Variants in LEMD1 observed in about 807,000 individuals in gnomAD.
LEMD1 encodes LEM domain-containing protein 1.
LEMD1 carries 18 observed loss-of-function variants against 17.4 expected under a neutral mutation model. That is an observed-to-expected ratio of 1.04 (90% CI 0.72 to 1.54). LEMD1 has a LOEUF of 1.54. Among genes scored for constraint, LEMD1 ranks in the 40% most tolerant of loss-of-function variants. The pLI is 0.00. For missense variants in LEMD1, 195 were observed against 210.4 expected (o/e 0.93, Z 0.45); for synonymous variants, 88 against 77.8 (o/e 1.13, Z -0.69).
At position 205,415,778 on chromosome 1, in the gene LEMD1, C is replaced by T. The variant is rs115109735; in HGVS notation, c.270+454G>A. Among the ~76,000 whole-genome samples, 671 of 152,322 alleles carry T rather than the reference C, an allele frequency of 4.4e-3. 3 individuals are homozygous for T. The highest frequency in any genetic ancestry group is 0.017 in the Middle Eastern group (5 of 294). ...CAGAAATCCTAAGCCAGTTAGGCCT[C>T]ACCCCAAAACCTGTAACCCTCACAC... On this transcript the variant is annotated intron_variant, in intron 4 of 5. Coordinates refer to ENST00000367153, the MANE Select transcript of LEMD1 (RefSeq NM_001199050.2).
At chr1:205,412,755 C>T (rs975323022) in intron 4 of LEMD1, among the ~76,000 whole-genome samples, 16 of 152,212 alleles carry the variant, frequency 1.1e-4, no homozygotes, top group Admixed American at 1.0e-3. Flanking sequence ...CAAATCAAAA[C>T]ATTTTATGCC....
intron 3 of LEMD1, 108 bp downstream of exon 3, chr1:205,419,122 G>A (rs1665834371): frequency 4.6e-6 from 6 of 1,296,192 alleles, no homozygotes; most frequent in African/African-American, 4.4e-5. Context: ...AGGCCCTATG[G>A]CTATTTCACA....
At chr1:205,387,874 G>C (rs1456102350) in intron 4 of LEMD1, among the ~76,000 whole-genome samples, 5 of 152,216 alleles carry the variant, frequency 3.3e-5, no homozygotes, top group Admixed American at 6.5e-5. Context: ...TACAACACTA[G>C]CTAACACGTA....
chr1:205,446,672 C>G (rs1276357440), intron 1 of LEMD1, among the ~76,000 whole-genome samples: 2 of 152,116 alleles, frequency 1.3e-5, no homozygotes, highest in Admixed American at 1.3e-4. Flanking sequence ...TGGACAGCCT[C>G]AGAGCAGGGT....
At chr1:205,390,092 C>T (rs1259453967) in intron 4 of LEMD1, among the ~76,000 whole-genome samples, 11 of 152,168 alleles carry the variant, frequency 7.2e-5, no homozygotes, top group African/African-American at 2.4e-4. Context: ...AGGTGGCTCA[C>T]GCCTGTAATT....
upstream of LEMD1, among the ~76,000 whole-genome samples, chr1:205,425,580 C>T (rs112703889): frequency 9.3e-4 from 141 of 152,270 alleles, 2 homozygotes; most frequent in African/African-American, 3.3e-3. Flanking sequence ...AGGCACCCTG[C>T]TAAGGCTGCA....
chr1:205,400,040 A>ATTTTGCCC (rs1459824805), intron 4 of LEMD1, among the ~76,000 whole-genome samples: 5 of 152,300 alleles, frequency 3.3e-5, no homozygotes, highest in African/African-American at 1.2e-4. Flanking sequence ...CTGTTCAATT[A>ATTTTGCCC]CAAAGGCAAA....
At chr1:205,411,518 T>C (rs1665430973) in intron 4 of LEMD1, among the ~76,000 whole-genome samples, 1 of 136,522 alleles carries the variant, frequency 7.3e-6, no homozygotes, top group South Asian at 2.2e-4. Flanking sequence ...ATTGTGCCAC[T>C]GCACTCCAGC....
upstream of LEMD1, among the ~76,000 whole-genome samples, chr1:205,426,174 C>T (rs778292209): frequency 2.6e-5 from 4 of 152,308 alleles, no homozygotes; most frequent in Non-Finnish European, 5.9e-5. Context: ...CCTAACCTCC[C>T]GTCCTGTCAT....
At chr1:205,444,734 T>C (rs1318450449) in intron 1 of LEMD1, among the ~76,000 whole-genome samples, 1 of 151,148 alleles carries the variant, frequency 6.6e-6, no homozygotes, top group African/African-American at 2.4e-5. Context: ...GCAGCGGGGG[T>C]GGAAGGCTAG....
At chr1:205,443,458 G>C (rs559823007) in intron 1 of LEMD1, among the ~76,000 whole-genome samples, 1 of 152,244 alleles carries the variant, frequency 6.6e-6, no homozygotes, top group South Asian at 2.1e-4. Flanking sequence ...GAAGGATGGG[G>C]AGTGAGGTCA....
chr1:205,411,671 A>AAAAGAAAG (rs199610367), intron 4 of LEMD1, among the ~76,000 whole-genome samples: 1,521 of 146,134 alleles, frequency 0.01, 35 homozygotes, highest in African/African-American at 0.036. Context: ...AGAAAGAAAG[A>AAAAGAAAG]AAAGAAAGAA....
chr1:205,432,033 T>G (rs1666132313), intron 1 of LEMD1, among the ~76,000 whole-genome samples: 1 of 152,066 alleles, frequency 6.6e-6, no homozygotes, highest in African/African-American at 2.4e-5. Flanking sequence ...AGCTTTAGGA[T>G]TACCAGCCTG....
chr1:205,412,598 C>T (rs558238983), intron 4 of LEMD1, among the ~76,000 whole-genome samples: 9 of 152,306 alleles, frequency 5.9e-5, no homozygotes, highest in African/African-American at 1.9e-4. Flanking sequence ...TTAAAGTCTA[C>T]AGTGTTAGAC....
intron 5 of LEMD1, 112 bp from the exon 6 acceptor site, chr1:205,381,968 G>A: frequency 1.1e-6 from 1 of 951,788 alleles, no homozygotes; most frequent in African/African-American, 1.6e-5. Flanking sequence ...TGGGGCTTTA[G>A]AGGTAGCCTC....
At chr1:205,409,001 C>A (rs12046246) in intron 4 of LEMD1, among the ~76,000 whole-genome samples, 2 of 151,900 alleles carry the variant, frequency 1.3e-5, no homozygotes, top group Admixed American at 1.3e-4. Flanking sequence ...CCACACCGGG[C>A]TAATTTTTTG....
chr1:205,398,590 G>A (rs1389167058), intron 4 of LEMD1, among the ~76,000 whole-genome samples: 1 of 152,204 alleles, frequency 6.6e-6, no homozygotes, highest in African/African-American at 2.4e-5. Flanking sequence ...GTGTCAGTAT[G>A]CTCTACACAC....
intron 1 of LEMD1, chr1:205,435,798 A>G (rs1666195325): frequency 6.6e-6 from 1 of 152,170 alleles, no homozygotes; most frequent in Non-Finnish European, 1.5e-5. Context: ...AGAAAACATA[A>G]ACCTGGGTGC....
intron 4 of LEMD1, among the ~76,000 whole-genome samples, chr1:205,401,731 C>T (rs548479976): frequency 0.029 from 4,464 of 152,124 alleles, 97 homozygotes; most frequent in South Asian, 0.044. Flanking sequence ...TCAATTTTGG[C>T]TTTTGTTGCC....
Sources: allele counts gnomAD v4.1 joint callset (sites outside exome capture counted in the v4.1 genomes callset), GRCh38; gene constraint gnomAD v4.1.1; transcripts MANE v1.5; gene names NCBI Gene and HGNC (gene_info 2026-07-23, HGNC 2026-07-21).